Variants in PDE3A observed in about 807,000 individuals in gnomAD.
The protein encoded by PDE3A is cGMP-inhibited 3',5'-cyclic phosphodiesterase 3A.
Under a neutral mutation model 98.3 loss-of-function variants are expected in PDE3A, and 43 were observed. That is an observed-to-expected ratio of 0.44 (90% CI 0.34 to 0.56). PDE3A has a LOEUF of 0.56. PDE3A is among the 20% of genes least tolerant of loss of function. The pLI is 0.01. For synonymous variants in PDE3A, 663 were observed against 567.9 expected (o/e 1.17, Z -2.38); for missense variants, 1,427 against 1,440.7 (o/e 0.99, Z 0.15).
At chr12:20,646,976 G>T in intron 12 of PDE3A, 26 bp downstream of exon 12, 1 of 1,520,308 alleles carries the variant, frequency 6.6e-7, no homozygotes, top group Non-Finnish European at 9.1e-7. Context: ...TTGGTTAGGA[G>T]AACTAATTTA....
At chr12:20,465,260 C>T (rs1225153483) in intron 1 of PDE3A, among the ~76,000 whole-genome samples, 1 of 151,902 alleles carries the variant, frequency 6.6e-6, no homozygotes. Flanking sequence ...TAGAGTAGCC[C>T]TTATATTGGT....
At chr12:20,638,737 T>G (rs1944576695) in intron 9 of PDE3A, among the ~76,000 whole-genome samples, 1 of 152,156 alleles carries the variant, frequency 6.6e-6, no homozygotes, top group African/African-American at 2.4e-5. Context: ...TCTCTTGATT[T>G]TATTTTTTTG....
chr12:20,604,340 T>C (rs1482660099), intron 2 of PDE3A, among the ~76,000 whole-genome samples: 3 of 152,178 alleles, frequency 2.0e-5, no homozygotes, highest in African/African-American at 7.2e-5. Flanking sequence ...AAAGACCCCA[T>C]GTATTACCTC....
At chr12:20,385,555 A>C (rs1463294829) in intron 1 of PDE3A, among the ~76,000 whole-genome samples, 1 of 151,944 alleles carries the variant, frequency 6.6e-6, no homozygotes, top group African/African-American at 2.4e-5. Context: ...TCCAACAATG[A>C]TAGACTGGAT....
chr12:20,446,677 A>G (rs1405756712), intron 1 of PDE3A, among the ~76,000 whole-genome samples: 2 of 152,154 alleles, frequency 1.3e-5, no homozygotes, highest in African/African-American at 4.8e-5. Flanking sequence ...ACAATAGGTA[A>G]ATCTTCTATT....
intron 1 of PDE3A, among the ~76,000 whole-genome samples, chr12:20,382,358 C>G (rs1322444156): frequency 6.6e-6 from 1 of 151,832 alleles, no homozygotes; most frequent in East Asian, 1.9e-4. Context: ...CAAGAAGGGT[C>G]AGTATCATGG....
intron 1 of PDE3A, among the ~76,000 whole-genome samples, chr12:20,444,508 T>G (rs1944921940): frequency 6.6e-6 from 1 of 152,246 alleles, no homozygotes; most frequent in Admixed American, 6.5e-5. Context: ...ACTTACTGTT[T>G]TAATTCTAAA....
At chr12:20,666,683 T>G (rs960970471) in intron 15 of PDE3A, among the ~76,000 whole-genome samples, 5 of 152,368 alleles carry the variant, frequency 3.3e-5, no homozygotes, top group African/African-American at 1.2e-4. Context: ...CATCAGTTGA[T>G]GGACACTTAG....
At chr12:20,373,625 C>T (rs10743365) in intron 1 of PDE3A, among the ~76,000 whole-genome samples, 23,741 of 151,924 alleles carry the variant, frequency 0.16, 2,138 homozygotes, top group East Asian at 0.33. Context: ...TTTTAGTTAC[C>T]TGTTAAGGAA....
rs536370653 is a variant in PDE3A at position 20,667,559 on chromosome 12, C to A, written c.3185-12471C>A. 3.1e-4 allele frequency among the ~76,000 whole-genome samples: 47 copies of A among 152,254 alleles called. 1 individual carries two copies. The highest frequency in any genetic ancestry group is 2.9e-3 in the South Asian group (14 of 4,832). ...TTTCTTCAATATATGTTCTTGGCAC[C>A]TTTGTCATAAATCAGTTGGCTATAA... On this transcript the variant is annotated intron_variant, in intron 15 of 15. Coordinates refer to ENST00000359062, the MANE Select transcript of PDE3A (RefSeq NM_000921.5).
intron 1 of PDE3A, among the ~76,000 whole-genome samples, chr12:20,463,268 T>C (rs1945284658): frequency 6.6e-6 from 1 of 152,240 alleles, no homozygotes; most frequent in African/African-American, 2.4e-5. Context: ...AATAGAGTAG[T>C]TGTCAGAAAA....
chr12:20,399,775 C>T (rs535724993), intron 1 of PDE3A, among the ~76,000 whole-genome samples: 1 of 152,152 alleles, frequency 6.6e-6, no homozygotes, highest in African/African-American at 2.4e-5. Context: ...TAAATTTCCA[C>T]CTACAAGATC....
chr12:20,522,241 C>T (rs1418948991), intron 1 of PDE3A, among the ~76,000 whole-genome samples: 1 of 152,168 alleles, frequency 6.6e-6, no homozygotes, highest in Non-Finnish European at 1.5e-5. Flanking sequence ...GGGCCCTGGT[C>T]TCCAGGAACT....
intron 1 of PDE3A, among the ~76,000 whole-genome samples, chr12:20,553,165 A>AT: frequency 7.5e-6 from 1 of 134,052 alleles, no homozygotes; most frequent in East Asian, 2.2e-4. Context: ...TTTTATTTTT[A>AT]TTTTTCAAAT....
At chr12:20,544,502 T>A (rs1156779239) in intron 1 of PDE3A, among the ~76,000 whole-genome samples, 1 of 151,962 alleles carries the variant, frequency 6.6e-6, no homozygotes, top group African/African-American at 2.4e-5. Flanking sequence ...ACCCATCATA[T>A]TAACTATAAC....
At chr12:20,668,533 C>A (rs1945383898) in intron 15 of PDE3A, among the ~76,000 whole-genome samples, 1 of 152,196 alleles carries the variant, frequency 6.6e-6, no homozygotes, top group African/African-American at 2.4e-5. Context: ...TCAAGTGGGT[C>A]CCTGACCCCT....
At chr12:20,529,958 C>T (rs918104572) in intron 1 of PDE3A, among the ~76,000 whole-genome samples, 1 of 152,124 alleles carries the variant, frequency 6.6e-6, no homozygotes, top group Non-Finnish European at 1.5e-5. Flanking sequence ...ATTTCTTTTG[C>T]TGTAAAGATA....
intron 1 of PDE3A, among the ~76,000 whole-genome samples, chr12:20,482,427 A>T: frequency 6.6e-6 from 1 of 151,744 alleles, no homozygotes; most frequent in Non-Finnish European, 1.5e-5. Flanking sequence ...GGAAAGAAAA[A>T]AATCATGTTC....
At position 20,369,641 on chromosome 12, in the gene PDE3A, T is replaced by C. The variant is rs774650095; in HGVS notation, c.357T>C (p.Ala119=). The C allele has an allele frequency of 1.3e-6, 2 of 1,595,704 alleles. No individual in the cohort carries two copies. The highest frequency in any genetic ancestry group is 2.2e-5 in the South Asian group (2 of 89,206). Residue 119 remains alanine, a synonymous_variant, in exon 1 of 16, where the codon GCT becomes GCC. Coordinates refer to ENST00000359062, the MANE Select transcript of PDE3A (RefSeq NM_000921.5). ...TCTTCCCGGGGCCTCGGGGAGGTGCTCCCGGGGGCGGTGCGCGGCTCAGCC... is the reference window on the plus strand; with the variant it reads ...TCTTCCCGGGGCCTCGGGGAGGTGCCCCCGGGGGCGGTGCGCGGCTCAGCC... ...GGVFPGPRGG[A]PGGGARLSPW... is the part of the protein sequence containing the mutation.
Sources: gnomAD v4.1 joint callset for allele counts (sites outside exome capture counted in the v4.1 genomes callset) on GRCh38, gnomAD v4.1.1 for gene constraint, MANE v1.5 for transcripts, NCBI Gene and HGNC (gene_info 2026-07-23, HGNC 2026-07-21) for gene names.